ZFAT: variants seen among roughly 807,000 people sequenced by gnomAD.
ZFAT encodes the protein zinc finger and AT-hook domain containing, also known as zinc finger protein ZFAT.
A neutral mutation model predicts 117.7 loss-of-function variants in ZFAT; 64 were observed. The ratio of observed to expected loss-of-function variants is 0.54; its 90% confidence interval spans 0.44 to 0.67. The LOEUF is 0.67. Ranked by LOEUF, ZFAT falls within the 30% of genes least tolerant of loss-of-function variation. The pLI, the probability that ZFAT is intolerant of heterozygous loss-of-function variation, is 0.00. For missense variants in ZFAT, 1,433 were observed against 1,584.5 expected (o/e 0.90, Z 1.62); for synonymous variants, 679 against 615.0 (o/e 1.10, Z -1.54).
At chr8:134,826,568 CCA>C in the ZFAT span, among the ~76,000 whole-genome samples, 2,409 of 152,156 alleles carry the variant, frequency 0.016, 94 homozygotes, top group Admixed American at 0.082. Flanking sequence ...GAAAAATATT[CCA>C]CAGAGAAACA....
the ZFAT span, among the ~76,000 whole-genome samples, chr8:134,751,764 G>A: frequency 6.6e-6 from 1 of 152,096 alleles, no homozygotes; most frequent in Admixed American, 6.5e-5. Context: ...GCCTGGACAT[G>A]GTTTGAAGCT....
At chr8:134,499,822 C>T (rs1372823214) in intron 15 of ZFAT, among the ~76,000 whole-genome samples, 2 of 152,206 alleles carry the variant, frequency 1.3e-5, no homozygotes, top group Non-Finnish European at 2.9e-5. Flanking sequence ...CCTTGTGAAG[C>T]AGGAGGCCAC....
At chr8:134,657,433 A>G (rs1374895635) in intron 2 of ZFAT, 128 bp downstream of exon 2, 6 of 972,948 alleles carry the variant, frequency 6.2e-6, no homozygotes, top group Non-Finnish European at 9.0e-6. Flanking sequence ...GCATATCTAC[A>G]ATTGGAGACT....
At chr8:134,676,553 C>T (rs1276732659) in intron 1 of ZFAT, among the ~76,000 whole-genome samples, 1 of 152,172 alleles carries the variant, frequency 6.6e-6, no homozygotes, top group Non-Finnish European at 1.5e-5. Context: ...GGAAAATTAA[C>T]AAGGATATCC....
intron 3 of ZFAT, among the ~76,000 whole-genome samples, chr8:134,626,262 G>A (rs1269281766): frequency 2.0e-5 from 3 of 152,126 alleles, no homozygotes; most frequent in Non-Finnish European, 2.9e-5. Flanking sequence ...GGGGAGCGTG[G>A]AGAATCGGAG....
At chr8:134,664,761 A>T (rs1832125264) in intron 1 of ZFAT, among the ~76,000 whole-genome samples, 1 of 152,258 alleles carries the variant, frequency 6.6e-6, no homozygotes, top group Non-Finnish European at 1.5e-5. Flanking sequence ...TATATCTTGC[A>T]CCCTGAAATA....
chr8:134,509,943 C>T, intron 14 of ZFAT, 194 bp from the exon 15 acceptor site: 2 of 661,272 alleles, frequency 3.0e-6, no homozygotes, highest in Middle Eastern at 2.6e-4. Flanking sequence ...TCTATAAGAA[C>T]ATCTCAAAAC....
At chr8:134,517,990 C>G (rs1041734075) in intron 13 of ZFAT, among the ~76,000 whole-genome samples, 1 of 152,128 alleles carries the variant, frequency 6.6e-6, no homozygotes, top group African/African-American at 2.4e-5. Context: ...CATAAAGTTC[C>G]TATTTTTGCC....
intron 2 of ZFAT, among the ~76,000 whole-genome samples, chr8:134,650,876 C>A (rs1831195076): frequency 6.6e-6 from 1 of 152,160 alleles, no homozygotes; most frequent in Non-Finnish European, 1.5e-5. Flanking sequence ...AAATTTGGAA[C>A]CCTACCTCAC....
intron 7 of ZFAT, chr8:134,599,767 T>G (rs1827264773): frequency 2.2e-6 from 1 of 456,088 alleles, no homozygotes; most frequent in Non-Finnish European, 4.4e-6. Flanking sequence ...CTTGAAGAAG[T>G]CTCAAATCAC....
chr8:134,807,902 G>A, the ZFAT span, among the ~76,000 whole-genome samples: 1 of 151,890 alleles, frequency 6.6e-6, no homozygotes, highest in African/African-American at 2.4e-5. Flanking sequence ...AAAATAGAAG[G>A]GTGTTTAGGA....
chr8:134,574,595 C>T (rs890254136), intron 10 of ZFAT, among the ~76,000 whole-genome samples: 1 of 151,878 alleles, frequency 6.6e-6, no homozygotes, highest in African/African-American at 2.4e-5. Context: ...ATTTGGATTC[C>T]ATCAGAACAC....
At chr8:134,683,421 T>C (rs1833162561) in intron 1 of ZFAT, among the ~76,000 whole-genome samples, 1 of 152,110 alleles carries the variant, frequency 6.6e-6, no homozygotes, top group Admixed American at 6.6e-5. Flanking sequence ...CATATGAACA[T>C]ACTAACCACA....
chr8:134,533,346 G>C (rs1281489014), intron 11 of ZFAT, among the ~76,000 whole-genome samples: 2 of 152,030 alleles, frequency 1.3e-5, no homozygotes, highest in African/African-American at 4.8e-5. Context: ...ATTACAATTG[G>C]TTCCCTGATA....
intron 9 of ZFAT, 137 bp from the exon 10 acceptor site, chr8:134,584,142 C>A: frequency 2.0e-6 from 2 of 996,440 alleles, no homozygotes; most frequent in Non-Finnish European, 2.8e-6. Flanking sequence ...TTGAACACAG[C>A]AGTATACTTG....
At chr8:134,519,931 G>A (rs750068722) in intron 13 of ZFAT, among the ~76,000 whole-genome samples, 5 of 152,156 alleles carry the variant, frequency 3.3e-5, no homozygotes, top group Admixed American at 6.5e-5. Context: ...GAAGGTGACT[G>A]TTTCATATTA....
At chr8:134,486,513 A>G (rs948789963) in intron 15 of ZFAT, among the ~76,000 whole-genome samples, 1 of 152,212 alleles carries the variant, frequency 6.6e-6, no homozygotes, top group Admixed American at 6.5e-5. Flanking sequence ...GCCCTCTCGT[A>G]GATGTCATTA....
At chr8:134,571,888 T>C (rs1456516074) in intron 10 of ZFAT, among the ~76,000 whole-genome samples, 2 of 152,248 alleles carry the variant, frequency 1.3e-5, no homozygotes, top group Middle Eastern at 3.2e-3. Flanking sequence ...TCTGGTACAA[T>C]TTTTTGGAAA....
At chr8:134,575,288 C>T (rs1199883652) in intron 10 of ZFAT, among the ~76,000 whole-genome samples, 2 of 152,188 alleles carry the variant, frequency 1.3e-5, no homozygotes, top group Non-Finnish European at 1.5e-5. Flanking sequence ...GGGGACTAGC[C>T]TGGCCTATCC....
Sources: allele counts gnomAD v4.1 joint callset (sites outside exome capture counted in the v4.1 genomes callset), GRCh38; gene constraint gnomAD v4.1.1; transcripts MANE v1.5; gene names NCBI Gene and HGNC (gene_info 2026-07-23, HGNC 2026-07-21).